Variants in KPNA1 observed in about 807,000 individuals in gnomAD.
The protein encoded by KPNA1 is importin subunit alpha-5.
KPNA1 carries 10 observed loss-of-function variants against 70.5 expected under a neutral mutation model. That is an observed-to-expected ratio of 0.14 (90% CI 0.09 to 0.24). The LOEUF is 0.24. Ranked by LOEUF, KPNA1 falls within the 10% of genes least tolerant of loss-of-function variation. The pLI is 1.00. For missense variants in KPNA1, 397 were observed against 637.9 expected, an observed-to-expected ratio of 0.62 and a Z score of 4.07; for synonymous variants, 192 against 221.9, an observed-to-expected ratio of 0.87 and a Z score of 1.20.
Position 122,496,554 on chromosome 3 carries a change from T to C in KPNA1, c.12A>G (p.Pro4=), listed in dbSNP as rs1180273844. 1.2e-6 allele frequency: 2 copies of C among 1,613,848 alleles called. No individual in the cohort carries two copies. The highest frequency in any genetic ancestry group is 1.7e-6 in the Non-Finnish European group (2 of 1,179,810). ...TTTTCAGGCGAAAGTTCTCTTTTCC[T>C]GGGGTGGTCATGATTTCTACAATAC... MTT[P]GKENFRLKSY... The change falls in exon 2 of 14, where the codon CCA becomes CCG. Residue 4 remains proline (P), a synonymous_variant. Coordinates refer to ENST00000344337, the MANE Select transcript of KPNA1 (RefSeq NM_002264.4).
rs186062939 is a variant in KPNA1, at chr3:122,424,876, T to G, written c.*2109A>C. On this transcript the variant is annotated 3_prime_UTR_variant, in exon 14 of 14. Coordinates refer to ENST00000344337, the MANE Select transcript of KPNA1 (RefSeq NM_002264.4). The stretch of plus-strand genomic sequence containing the variant: ...TGAATCAGTGCTTCTATTATCCTTC[T>G]GAAAGAAGTTATATTTTAATGTGAT... The G allele has an allele frequency of 6.5e-6, 1 of 152,816 alleles. No homozygotes were observed. The highest frequency in any genetic ancestry group is 1.9e-4 in the East Asian group (1 of 5,194). The allele number at this position is 152,816 out of a possible 1,614,324, so 9.5% of individuals were successfully genotyped here. A position where few individuals can be genotyped will look rare whatever the true frequency, so the allele number is the denominator to read the frequency against.
At chr3:122,512,540 G>C (rs932527210) in intron 1 of KPNA1, among the ~76,000 whole-genome samples, 1 of 152,078 alleles carries the variant, frequency 6.6e-6, no homozygotes, top group African/African-American at 2.4e-5. Flanking sequence ...TGGGCAAGAC[G>C]GTGAAACCAC....
At chr3:122,478,894 C>CAAAAAAAAAAAAAAAA (rs57843662) in intron 2 of KPNA1, among the ~76,000 whole-genome samples, 2 of 18,696 alleles carry the variant, frequency 1.1e-4, no homozygotes, top group Non-Finnish European at 1.8e-4. Flanking sequence ...AACCTCGTCT[C>CAAAAAAAAAAAAAAAA]AAAAAAAAAA....
intron 10 of KPNA1, among the ~76,000 whole-genome samples, chr3:122,437,781 AAC>A (rs1403487066): frequency 2.6e-5 from 4 of 152,204 alleles, no homozygotes; most frequent in African/African-American, 9.6e-5. Context: ...TGAAGGAGGT[AAC>A]ACAAATACAC....
chr3:122,444,541 C>T (rs751464433), intron 9 of KPNA1, among the ~76,000 whole-genome samples: 4 of 152,274 alleles, frequency 2.6e-5, no homozygotes, highest in South Asian at 4.1e-4. Context: ...GAAATCTTTA[C>T]AATTTATGTC....
rs1488076727 is a variant in KPNA1 at position 122,510,992 on chromosome 3, T to A, written c.-6+3765A>T. ...AACGGCTAAAACCAATCTTTAACGA[T>A]CAATGTGAACACAGTACAAACAGCC... On this transcript the variant is annotated intron_variant, in intron 1 of 13. Transcript: ENST00000344337. Among the ~76,000 whole-genome samples, 3 of 152,150 alleles carry A rather than the reference T, an allele frequency of 2.0e-5. No homozygotes were observed. The East Asian group carries it at 5.8e-4, about 29-fold the overall frequency.
intron 2 of KPNA1, among the ~76,000 whole-genome samples, chr3:122,487,269 C>T (rs1388366460): frequency 1.3e-5 from 2 of 152,188 alleles, no homozygotes; most frequent in African/African-American, 4.8e-5. Context: ...TGAAAAGATG[C>T]TCAACATCAC....
chr3:122,475,581 C>T (rs2076488332), intron 2 of KPNA1, among the ~76,000 whole-genome samples: 1 of 152,084 alleles, frequency 6.6e-6, no homozygotes, highest in Non-Finnish European at 1.5e-5. Flanking sequence ...GGAGGCTTCA[C>T]ACTGACTGAT....
At chr3:122,479,599 A>C (rs2076547688) in intron 2 of KPNA1, among the ~76,000 whole-genome samples, 1 of 152,106 alleles carries the variant, frequency 6.6e-6, no homozygotes, top group Non-Finnish European at 1.5e-5. Flanking sequence ...GTCTCTACTA[A>C]AAATACAAAA....
intron 12 of KPNA1, among the ~76,000 whole-genome samples, chr3:122,429,970 G>A (rs2075879151): frequency 6.6e-6 from 1 of 151,748 alleles, no homozygotes; most frequent in African/African-American, 2.4e-5. Context: ...ATTCATGTAT[G>A]TCTGACTGAG....
intron 11 of KPNA1, 45 bp from the exon 12 acceptor site, chr3:122,433,833 T>C (rs889347406): frequency 6.3e-6 from 9 of 1,438,166 alleles, no homozygotes; most frequent in Non-Finnish European, 8.5e-6. Flanking sequence ...GTGAGATTTA[T>C]AAAAATATTC....
intron 6 of KPNA1, 109 bp downstream of exon 6, chr3:122,453,761 T>C: frequency 9.9e-7 from 1 of 1,007,016 alleles, no homozygotes; most frequent in Non-Finnish European, 1.4e-6. Context: ...GGTCTCGAAC[T>C]CCTCGTGATC....
intron 10 of KPNA1, 57 bp downstream of exon 10, chr3:122,441,981 C>A (rs1411885042): frequency 1.8e-6 from 2 of 1,106,034 alleles, no homozygotes; most frequent in African/African-American, 1.6e-5. Flanking sequence ...GAAACATGAT[C>A]ATGAAGTTCA....
Position 122,514,748 on chromosome 3 carries a change from A to C in KPNA1, c.-6+9T>G, listed in dbSNP as rs994163462. The C allele has an allele frequency of 6.6e-6, 1 of 152,444 alleles. No individual in the cohort carries two copies. The highest frequency in any genetic ancestry group is 1.5e-5 in the Non-Finnish European group (1 of 68,490). The allele number at this position is 152,444 out of a possible 1,614,324, so 9.4% of individuals were successfully genotyped here. A position where few individuals can be genotyped will look rare whatever the true frequency, so the allele number is the denominator to read the frequency against. ...GGAGGGGCCGGGGCCGCAAGGCCCC[A>C]GCACTCACCAGGCTCAAGGCAACCG... On this transcript the variant is annotated intron_variant, in intron 1 of 13. Transcript: ENST00000344337.
chr3:122,453,329 A>C (rs572491721), intron 6 of KPNA1, among the ~76,000 whole-genome samples: 46 of 152,334 alleles, frequency 3.0e-4, no homozygotes, highest in African/African-American at 1.1e-3. Flanking sequence ...TACAGGGCTT[A>C]AAGAATGTCA....
Position 122,477,860 on chromosome 3 carries a change from C to CA in KPNA1, c.130-10432dup, listed in dbSNP as rs35446717. 3.9e-3 allele frequency among the ~76,000 whole-genome samples: 567 copies of CA among 144,710 alleles called. 3 individuals carry two copies. The highest frequency in any genetic ancestry group is 0.021 in the Middle Eastern group (6 of 282). 94.9% of individuals were successfully genotyped at this position (144,710 alleles called of 152,430 possible). ...TATTTGCCATTTGAAATATCTGTAT[C>CA]AAAAAAAAAAAAAAATGTCCAGGCT... On this transcript the variant is annotated intron_variant, in intron 2 of 13. Transcript: ENST00000344337.
At chr3:122,506,210 A>G (rs961098956) in intron 1 of KPNA1, among the ~76,000 whole-genome samples, 3 of 152,244 alleles carry the variant, frequency 2.0e-5, no homozygotes, top group Admixed American at 1.3e-4. Flanking sequence ...TTTAAAATCC[A>G]TAATACTCTT....
At chr3:122,448,398 G>T (rs1025117907) in intron 9 of KPNA1, among the ~76,000 whole-genome samples, 2 of 152,186 alleles carry the variant, frequency 1.3e-5, no homozygotes, top group African/African-American at 4.8e-5. Context: ...ATACACCACG[G>T]AATACTATGC....
intron 5 of KPNA1, chr3:122,457,688 T>A (rs1170234860): frequency 7.9e-7 from 1 of 1,269,834 alleles, no homozygotes. Flanking sequence ...GTTCCTTAAA[T>A]AAGGAAAATG....
Sources: gnomAD v4.1 joint callset for allele counts (sites outside exome capture counted in the v4.1 genomes callset) on GRCh38, gnomAD v4.1.1 for gene constraint, MANE v1.5 for transcripts, NCBI Gene and HGNC (gene_info 2026-07-23, HGNC 2026-07-21) for gene names.